PCDHGA3: variants seen among roughly 807,000 people sequenced by gnomAD.
PCDHGA3 encodes protocadherin gamma-A3.
PCDHGA3 carries 40 observed loss-of-function variants against 58.5 expected under a neutral mutation model. That is an observed-to-expected ratio of 0.68 (90% confidence interval 0.53 to 0.89). PCDHGA3 has a LOEUF of 0.89. Ranked by LOEUF, PCDHGA3 falls within the 40% of genes least tolerant of loss-of-function variation. The pLI is 0.00. For missense variants in PCDHGA3, 1,223 were observed against 1,195.9 expected (o/e 1.02, Z -0.33); for synonymous variants, 530 against 525.7 (o/e 1.01, Z -0.11).
At chr5:141,362,608 T>C in intron 1 of PCDHGA3, 1 of 1,564,044 alleles carries the variant, frequency 6.4e-7, no homozygotes, top group Non-Finnish European at 8.7e-7. Flanking sequence ...TTCACCTAAT[T>C]TGGGTAGGAA....
chr5:141,480,371 C>T (rs1562080299), intron 1 of PCDHGA3, among the ~76,000 whole-genome samples: 1 of 151,908 alleles, frequency 6.6e-6, no homozygotes, highest in African/African-American at 2.4e-5. Flanking sequence ...GCTGTGATTG[C>T]ACCACTACAC....
chr5:141,490,611 G>A lies in PCDHGA3; in HGVS notation c.2425-4196G>A, dbSNP rs1442281165. 1 of 1,614,052 alleles carries A rather than the reference G, an allele frequency of 6.2e-7. No homozygotes were observed. The highest frequency in any genetic ancestry group is 1.3e-5 in the African/African-American group (1 of 74,914). On this transcript the variant is annotated intron_variant, in intron 1 of 3. Coordinates refer to ENST00000253812, the MANE Select transcript of PCDHGA3 (RefSeq NM_018916.4). This position sits in a 1 kb window ranked among gnomAD's most constrained non-coding sequence, Gnocchi z 5.4. ...ACAATGCACCCCGCTTCAACCAGCA[G>A]CTTTACACTGCTTACATCCTAGAAA...
Position 141,345,510 on chromosome 5 carries a change from G to T in PCDHGA3, c.1477G>T (p.Glu493Ter), listed in dbSNP as rs778058001. 4.3e-6 allele frequency: 7 copies of T among 1,613,982 alleles called. No individual in the cohort carries two copies. The African/African-American group carries it at 8.0e-5, about 18-fold the overall frequency. The change falls in exon 1 of 4, where the codon GAG (glutamate) becomes TAG (stop). Residue 493 changes from glutamate to a stop codon, truncating the protein, a stop_gained. Transcript: ENST00000253812. LOFTEE classifies it high-confidence loss of function. ...NNARITYALT[E>*]DTLQGAPLSS... Reference sequence around the variant, plus strand: ...CGCCCGCATCACTTATGCATTGACCGAGGACACTCTCCAGGGGGCGCCCCT... The same window carrying T: ...CGCCCGCATCACTTATGCATTGACCTAGGACACTCTCCAGGGGGCGCCCCT...
Position 141,491,842 on chromosome 5 carries a change from T to C in PCDHGA3, c.2425-2965T>C, listed in dbSNP as rs551615550. The C allele has an allele frequency of 7.5e-6, 11 of 1,464,162 alleles. No homozygotes were observed. In the South Asian group the frequency reaches 1.3e-4, roughly 17 times the overall value. 90.7% of individuals were successfully genotyped at this position (1,464,162 alleles called of 1,614,324 possible). ...GCGCTCCACCCGATTCTCGGGATCA[T>C]TGGACCGTTTGCGCGAAACCAGAGT... On this transcript the variant is annotated intron_variant, in intron 1 of 3. Transcript: ENST00000253812. The surrounding 1 kb of genome is among the most constrained non-coding windows in gnomAD (Gnocchi z 6.9).
At chr5:141,377,587 C>A (rs1272601199) in intron 1 of PCDHGA3, 2 of 147,530 alleles carry the variant, frequency 1.4e-5, no homozygotes, top group African/African-American at 5.1e-5. Flanking sequence ...CAGAATGAGA[C>A]TTTTTCTCTC....
chr5:141,427,871 G>A (rs762885351), intron 1 of PCDHGA3: 1 of 1,559,530 alleles, frequency 6.4e-7, no homozygotes, highest in South Asian at 1.1e-5. Flanking sequence ...TCGAGCTCAC[G>A]ATGCAGGCCC....
chr5:141,392,976 G>T (rs892304367), intron 1 of PCDHGA3: 1 of 1,613,866 alleles, frequency 6.2e-7, no homozygotes, highest in South Asian at 1.1e-5. Flanking sequence ...CCTGGGGCTG[G>T]ACCCCCGGAA....
chr5:141,371,752 A>G, intron 1 of PCDHGA3: 1 of 1,614,006 alleles, frequency 6.2e-7, no homozygotes, highest in Non-Finnish European at 8.5e-7. Flanking sequence ...CCCGTTTTCC[A>G]CCAGGCCTCC....
At chr5:141,494,654 G>A in intron 1 of PCDHGA3, 153 bp from the exon 2 acceptor site, 1 of 966,640 alleles carries the variant, frequency 1.0e-6, no homozygotes, top group South Asian at 4.8e-5. Context: ...GGTGTATTTT[G>A]TCTTTGGAGA....
chr5:141,389,135 T>C (rs547733890), intron 1 of PCDHGA3: 2 of 1,613,982 alleles, frequency 1.2e-6, no homozygotes, highest in Admixed American at 1.7e-5. Context: ...CAGAGTACAA[T>C]ATAACCGTTA....
chr5:141,352,155 A>G, intron 1 of PCDHGA3: 2 of 1,612,668 alleles, frequency 1.2e-6, no homozygotes, highest in Non-Finnish European at 8.5e-7. Context: ...GGCGACAGGG[A>G]CGCGGCCCGC....
At chr5:141,418,196 C>G in intron 1 of PCDHGA3, 1 of 1,614,032 alleles carries the variant, frequency 6.2e-7, no homozygotes, top group Non-Finnish European at 8.5e-7. Context: ...GGTGGAAAAT[C>G]CTTTAAATAT....
chr5:141,432,071 AT>A lies in PCDHGA3; in HGVS notation c.2425-62735del. 1 of 1,614,158 alleles carries A rather than the reference AT, an allele frequency of 6.2e-7. No individual in the cohort carries two copies. Among genetic ancestry groups the A allele is most frequent in the Non-Finnish European group, 8.5e-7 (1 of 1,180,032 alleles). ...CCCGCCCCTATCCACGGAAACTCAT[AT>A]CTCGCTGAACGTGGCAGACACCAAC... On this transcript the variant is annotated intron_variant, in intron 1 of 3. Transcript: ENST00000253812. The surrounding 1 kb of genome is among the most constrained non-coding windows in gnomAD (Gnocchi z 6.0).
rs375915850 is a variant in PCDHGA3, at chr5:141,397,975, G to A, written c.2424+51518G>A. The A allele has an allele frequency of 2.3e-4, 272 of 1,189,006 alleles. 1 individual carries two copies. Among genetic ancestry groups the A allele is most frequent in the African/African-American group, 9.9e-4 (64 of 64,918 alleles). 73.7% of individuals were successfully genotyped at this position (1,189,006 alleles called of 1,614,324 possible). ...GCCCCAGCTCAGACTCCCCAGCGCC[G>A]GCCTTTACACCGCTTCCTCCTCGGA... On this transcript the variant is annotated intron_variant, in intron 1 of 3. Transcript: ENST00000253812.
chr5:141,418,277 T>G, intron 1 of PCDHGA3: 2 of 1,614,026 alleles, frequency 1.2e-6, no homozygotes, highest in Non-Finnish European at 1.7e-6. Flanking sequence ...TGAAATAAAC[T>G]TAGAAATCAG....
chr5:141,394,631 C>T (rs1402672360), intron 1 of PCDHGA3: 3 of 1,613,354 alleles, frequency 1.9e-6, no homozygotes, highest in Admixed American at 1.7e-5. Flanking sequence ...GGCTGTCCTA[C>T]CGCCTGCTCA....
chr5:141,362,467 C>T (rs771966305), intron 1 of PCDHGA3: 58 of 1,614,052 alleles, frequency 3.6e-5, no homozygotes, highest in Middle Eastern at 1.6e-4. Context: ...GGTTCCCGCG[C>T]AAGATCTCGT....
At chr5:141,472,980 CAAAA>C (rs60579131) in intron 1 of PCDHGA3, among the ~76,000 whole-genome samples, 3 of 86,106 alleles carry the variant, frequency 3.5e-5, no homozygotes, top group Admixed American at 1.2e-4. Context: ...GAGTGAAACT[CAAAA>C]AAAAAAAAAA....
rs554119295 is a variant in PCDHGA3 at position 141,482,963 on chromosome 5, C to T, written c.2425-11844C>T. 1.7e-4 allele frequency among the ~76,000 whole-genome samples: 10 copies of T among 57,958 alleles called. No homozygotes were observed. In the South Asian group the frequency reaches 4.5e-3, roughly 26 times the overall value. 38.0% of individuals were successfully genotyped at this position (57,958 alleles called of 152,430 possible). On this transcript the variant is annotated intron_variant, in intron 1 of 3. Coordinates refer to ENST00000253812, the MANE Select transcript of PCDHGA3 (RefSeq NM_018916.4). The stretch of plus-strand genomic sequence containing the variant: ...TTGTGGGTGCCTGTAATTCCAGCTA[C>T]TTGAGCAGCTACTTGAGAGGTCGAG...
Sources: gnomAD v4.1 joint callset for allele counts (sites outside exome capture counted in the v4.1 genomes callset) on GRCh38, gnomAD v4.1.1 for gene constraint, Gnocchi (gnomAD v3.1) non-coding constraint, MANE v1.5 for transcripts, NCBI Gene and HGNC (gene_info 2026-07-23, HGNC 2026-07-21) for gene names.